The following VSTM1 variants were observed in gnomAD, a reference collection of about 807,000 sequenced individuals.
VSTM1 encodes the protein V-set and transmembrane domain containing 1, also known as V-set and transmembrane domain-containing protein 1.
VSTM1 carries 27 observed loss-of-function variants against 33.1 expected under a neutral mutation model. The observed-to-expected ratio is 0.82, with a 90% confidence interval of 0.60 to 1.12. The LOEUF (loss-of-function observed/expected upper bound fraction) is 1.12, where lower values mean the gene tolerates loss of function less well. VSTM1 is among the 50% of genes most tolerant of loss of function. The pLI is 0.00. For synonymous variants in VSTM1, 115 were observed against 110.3 expected (o/e 1.04, Z -0.27); for missense variants, 304 against 288.9 (o/e 1.05, Z -0.38).
chr19:54,058,937 A>G (rs941069026), intron 1 of VSTM1, among the ~76,000 whole-genome samples: 2 of 148,146 alleles, frequency 1.4e-5, no homozygotes, highest in South Asian at 2.1e-4. Flanking sequence ...TATTAAATAT[A>G]TGTATTACAT....
chr19:54,062,769 C>T lies in VSTM1; in HGVS notation c.34+975G>A, dbSNP rs558087114. On this transcript the variant is annotated intron_variant, in intron 1 of 8. Coordinates refer to ENST00000338372, the MANE Select transcript of VSTM1 (RefSeq NM_198481.4). ...CTAAGGTGCAAATGTGTGTAGGAGA[C>T]GAGCATTACCCCACAAGGAAGGGCT... Among the ~76,000 whole-genome samples the T allele has an allele frequency of 3.3e-5, 5 of 149,944 alleles. No individual in the cohort carries two copies. The East Asian group carries it at 5.9e-4, about 18-fold the overall frequency.
At chr19:54,045,596 A>G (rs2070537056) in intron 4 of VSTM1, among the ~76,000 whole-genome samples, 1 of 146,474 alleles carries the variant, frequency 6.8e-6, no homozygotes, top group Non-Finnish European at 1.5e-5. Flanking sequence ...TAATGTATCT[A>G]TCAATCATAA....
intron 4 of VSTM1, among the ~76,000 whole-genome samples, chr19:54,050,623 C>G (rs989766849): frequency 1.3e-5 from 2 of 152,080 alleles, no homozygotes; most frequent in Non-Finnish European, 2.9e-5. Context: ...GAGGTTATCT[C>G]CCCTCATCCT....
intron 4 of VSTM1, among the ~76,000 whole-genome samples, chr19:54,046,009 T>C (rs1174326081): frequency 6.6e-6 from 1 of 152,176 alleles, no homozygotes; most frequent in Non-Finnish European, 1.5e-5. Context: ...ATCTAATCTA[T>C]CATATCTAGT....
intron 8 of VSTM1, 148 bp downstream of exon 8, chr19:54,041,631 G>T: frequency 1.1e-6 from 1 of 893,484 alleles, no homozygotes; most frequent in South Asian, 1.7e-5. Context: ...GGAGATTTTG[G>T]TTCCCATTAG....
chr19:54,042,758 G>GTA (rs1255104546), intron 4 of VSTM1, among the ~76,000 whole-genome samples: 2,599 of 121,958 alleles, frequency 0.021, 81 homozygotes, highest in African/African-American at 0.092. Flanking sequence ...GTGTGTGTGT[G>GTA]TATATATATA....
chr19:54,060,425 T>C (rs1269539408), intron 1 of VSTM1, among the ~76,000 whole-genome samples: 1 of 152,140 alleles, frequency 6.6e-6, no homozygotes, highest in African/African-American at 2.4e-5. Context: ...TCTCAGGACA[T>C]TGGTTCCTTG....
intron 4 of VSTM1, among the ~76,000 whole-genome samples, chr19:54,049,788 T>C (rs995895346): frequency 6.6e-6 from 1 of 152,134 alleles, no homozygotes; most frequent in African/African-American, 2.4e-5. Flanking sequence ...GATACCTTTT[T>C]GAAAACCGAT....
chr19:54,041,540 A>T (rs935137239), intron 8 of VSTM1, among the ~76,000 whole-genome samples: 12 of 152,064 alleles, frequency 7.9e-5, no homozygotes, highest in Admixed American at 6.6e-4. Flanking sequence ...TGACCTCATG[A>T]TCCGCCCGCC....
intron 4 of VSTM1, among the ~76,000 whole-genome samples, chr19:54,048,133 T>C (rs2070684409): frequency 6.6e-6 from 1 of 152,126 alleles, no homozygotes; most frequent in African/African-American, 2.4e-5. Context: ...ATTTATTTAC[T>C]GAAACAGGGT....
intron 4 of VSTM1, among the ~76,000 whole-genome samples, chr19:54,047,266 G>C (rs1406804973): frequency 6.6e-6 from 1 of 151,928 alleles, no homozygotes; most frequent in African/African-American, 2.4e-5. Flanking sequence ...CCTGCTTCTG[G>C]TGGAGCTGAA....
rs1317713570 is a variant in VSTM1 at position 54,056,098 on chromosome 19, T to C, written c.355+2208A>G. ...ATGGGGCTCTCACACTCAAGGTCAA[T>C]GTTGTCCTCTCCTAATCACCCCAGG... is the stretch of plus-strand genomic sequence containing the variant. On this transcript the variant is annotated intron_variant, in intron 3 of 8. Transcript: ENST00000338372. Among the ~76,000 whole-genome samples, 4 of 140,028 alleles carry C rather than the reference T, an allele frequency of 2.9e-5. 1 individual carries two copies. Among genetic ancestry groups the C allele is most frequent in the African/African-American group, 5.3e-5 (2 of 37,752 alleles). The allele number at this position is 140,028 out of a possible 152,430, so 91.9% of individuals were successfully genotyped here.
chr19:54,041,888 A>G (rs771210811), intron 7 of VSTM1, 28 bp downstream of exon 7: 2 of 1,613,992 alleles, frequency 1.2e-6, no homozygotes. Flanking sequence ...CTATCCGGTG[A>G]TTCCCTTAAA....
intron 3 of VSTM1, among the ~76,000 whole-genome samples, chr19:54,054,406 A>G (rs1466122995): frequency 7.0e-6 from 1 of 142,546 alleles, no homozygotes; most frequent in African/African-American, 2.6e-5. Context: ...TCATTGATCA[A>G]GAGCCTCAGA....
chr19:54,048,023 A>G (rs1315116601), intron 4 of VSTM1, among the ~76,000 whole-genome samples: 2 of 152,186 alleles, frequency 1.3e-5, no homozygotes, highest in African/African-American at 4.8e-5. Flanking sequence ...CATTCTCTAC[A>G]TTGCGATTGA....
chr19:54,063,634 A>G (rs988598602), intron 1 of VSTM1, 110 bp downstream of exon 1: 19 of 1,360,782 alleles, frequency 1.4e-5, no homozygotes, highest in Non-Finnish European at 2.0e-5. Flanking sequence ...GCAGGTGTGC[A>G]ACACCTGGAA....
chr19:54,049,180 T>A (rs990489386), intron 4 of VSTM1, among the ~76,000 whole-genome samples: 1 of 152,160 alleles, frequency 6.6e-6, no homozygotes, highest in Non-Finnish European at 1.5e-5. Flanking sequence ...AAATGAAACA[T>A]TGATGCATGC....
chr19:54,058,602 T>G lies in VSTM1; in HGVS notation c.71-12A>C, dbSNP rs376834808. The G allele has an allele frequency of 6.4e-5, 104 of 1,613,064 alleles. No individual in the cohort carries two copies. In the African/African-American group the frequency reaches 1.2e-3, roughly 19 times the overall value. On this transcript the variant is annotated splice_polypyrimidine_tract_variant and intron_variant, in intron 2 of 8. Coordinates refer to ENST00000338372, the MANE Select transcript of VSTM1 (RefSeq NM_198481.4). ...CTTGGGCGGTTTCTCTGGAAACAATTCAGAGTTAATTTGAGTCTAGAATTC... is the reference window on the plus strand; with the variant it reads ...CTTGGGCGGTTTCTCTGGAAACAATGCAGAGTTAATTTGAGTCTAGAATTC...
chr19:54,045,475 A>T (rs2070529040), intron 4 of VSTM1, among the ~76,000 whole-genome samples: 2 of 151,960 alleles, frequency 1.3e-5, no homozygotes, highest in South Asian at 4.1e-4. Context: ...TTATCTGTCT[A>T]TCCACCTGCT....
Sources: allele counts gnomAD v4.1 joint callset (sites outside exome capture counted in the v4.1 genomes callset), GRCh38; gene constraint gnomAD v4.1.1; transcripts MANE v1.5; gene names NCBI Gene and HGNC (gene_info 2026-07-23, HGNC 2026-07-21).